PARVB: variants seen among roughly 807,000 people sequenced by gnomAD.
The protein encoded by PARVB is parvin beta.
In PARVB, 46 loss-of-function variants were observed where a neutral mutation model predicts 47.0. That is an observed-to-expected ratio of 0.98 (90% CI 0.77 to 1.25). The LOEUF is 1.25. PARVB is among the 50% of genes most tolerant of loss of function. The pLI is 0.00. For missense variants in PARVB, 473 were observed against 471.6 expected (o/e 1.00, Z -0.03); for synonymous variants, 196 against 196.3 (o/e 1.00, Z 0.01).
chr22:44,067,691 T>C (rs1440405637), intron 1 of PARVB, among the ~76,000 whole-genome samples: 1 of 152,182 alleles, frequency 6.6e-6, no homozygotes, highest in Non-Finnish European at 1.5e-5. Flanking sequence ...GCATCAAGTC[T>C]CCCAGCAGGA....
At chr22:44,088,752 T>C (rs2052092519) in intron 1 of PARVB, among the ~76,000 whole-genome samples, 1 of 152,152 alleles carries the variant, frequency 6.6e-6, no homozygotes, top group South Asian at 2.1e-4. Context: ...AATTACAGGT[T>C]TGAGCCACCG....
In PARVB at chr22:44,040,255, GTGATTAGAGGGAAAAGTACTGA is replaced by G. The variant is rs150456857; in HGVS notation, c.112+15807_112+15828del. 7.6e-3 allele frequency among the ~76,000 whole-genome samples: 1,152 copies of G among 152,298 alleles called. 11 individuals are homozygous for G. The highest frequency in any genetic ancestry group is 0.027 in the African/African-American group (1,122 of 41,570). On this transcript the variant is annotated intron_variant, in intron 1 of 12. Coordinates refer to ENST00000338758, the MANE Select transcript of PARVB (RefSeq NM_013327.5). ...TACTGAACTCTAATTAGTGATGTGT[GTGATTAGAGGGAAAAGTACTGA>G]TGTCTGCAACTTACTTTGAAATGTG...
chr22:44,099,821 G>A (rs919714789), intron 2 of PARVB, among the ~76,000 whole-genome samples: 3 of 152,138 alleles, frequency 2.0e-5, no homozygotes, highest in Non-Finnish European at 2.9e-5. Flanking sequence ...GCGGAGTCTG[G>A]GAGGAGCGAG....
intron 3 of PARVB, chr22:44,116,087 C>A (rs2052894994): frequency 6.6e-6 from 1 of 152,342 alleles, no homozygotes; most frequent in South Asian, 2.1e-4. Flanking sequence ...CCCAGGACAC[C>A]ACATTGCATT....
intron 3 of PARVB, chr22:44,109,008 C>G (rs1197294929): frequency 2.0e-5 from 3 of 152,142 alleles, no homozygotes; most frequent in Admixed American, 1.3e-4. Context: ...GGGTGCGTCT[C>G]CCCCCAAGAG....
intron 1 of PARVB, among the ~76,000 whole-genome samples, chr22:44,080,385 G>A (rs1044194330): frequency 2.6e-5 from 4 of 152,186 alleles, no homozygotes; most frequent in Non-Finnish European, 4.4e-5. Context: ...CCCATTCCTT[G>A]CCTTTTCCAA....
chr22:44,165,456 C>T (rs2054146780), intron 12 of PARVB, among the ~76,000 whole-genome samples: 1 of 152,216 alleles, frequency 6.6e-6, no homozygotes, highest in Non-Finnish European at 1.5e-5. Context: ...CCGGCCCGGC[C>T]TGGGTCTCTG....
At chr22:44,013,851 T>C (rs908556200) in intron 2 of PARVB, among the ~76,000 whole-genome samples, 2 of 152,196 alleles carry the variant, frequency 1.3e-5, no homozygotes, top group Non-Finnish European at 2.9e-5. Context: ...CAGGCTGCTC[T>C]CGAACTCCTG....
chr22:44,157,024 TC>T (rs1350506144), intron 10 of PARVB, among the ~76,000 whole-genome samples: 10 of 152,260 alleles, frequency 6.6e-5, no homozygotes, highest in Non-Finnish European at 1.5e-4. Flanking sequence ...ATGGTACATT[TC>T]AGCTTATGTA....
At chr22:44,010,186 C>T (rs942471004) in intron 2 of PARVB, among the ~76,000 whole-genome samples, 55 of 152,118 alleles carry the variant, frequency 3.6e-4, no homozygotes, top group African/African-American at 4.8e-5. Context: ...ATTTTGTTCA[C>T]GAGTGCACCC....
intron 2 of PARVB, 75 bp downstream of exon 2, chr22:44,094,092 A>T: frequency 1.2e-6 from 1 of 812,960 alleles, no homozygotes; most frequent in Non-Finnish European, 2.0e-6. Flanking sequence ...GGGGAGGCCA[A>T]TGAGGAGCCC....
At chr22:44,023,723 C>T (rs1481290968), upstream of PARVB, among the ~76,000 whole-genome samples, 6 of 152,114 alleles carry the variant, frequency 3.9e-5, no homozygotes, top group Non-Finnish European at 4.4e-5. Context: ...AGGGCCTGCT[C>T]TTCTGCTCAC....
intron 2 of PARVB, among the ~76,000 whole-genome samples, chr22:44,005,570 C>T (rs1331518870): frequency 2.0e-5 from 3 of 152,012 alleles, no homozygotes; most frequent in African/African-American, 7.3e-5. Flanking sequence ...GTTCTGGAGG[C>T]AGGGTACCTA....
chr22:44,060,526 TG>T (rs1256603593), intron 1 of PARVB, among the ~76,000 whole-genome samples: 1 of 151,938 alleles, frequency 6.6e-6, no homozygotes, highest in Non-Finnish European at 1.5e-5. Flanking sequence ...GGTCAGGTAG[TG>T]GGGCAACCGG....
At chr22:44,061,707 C>T (rs1281117092) in intron 1 of PARVB, among the ~76,000 whole-genome samples, 2 of 150,022 alleles carry the variant, frequency 1.3e-5, no homozygotes, top group African/African-American at 4.9e-5. Context: ...ACCTCTGCCT[C>T]CTGGGTTCAA....
chr22:44,013,702 G>T (rs930532733), intron 2 of PARVB, among the ~76,000 whole-genome samples: 3 of 151,484 alleles, frequency 2.0e-5, no homozygotes, highest in African/African-American at 7.3e-5. Flanking sequence ...GTGCGATCTC[G>T]GCTCACTGCA....
At chr22:44,098,603 G>A (rs183009891) in intron 2 of PARVB, among the ~76,000 whole-genome samples, 1 of 152,256 alleles carries the variant, frequency 6.6e-6, no homozygotes, top group Admixed American at 6.5e-5. Context: ...CCCAGCAGGA[G>A]TGGGAGGCTG....
intron 2 of PARVB, among the ~76,000 whole-genome samples, chr22:44,003,881 A>G (rs6006610): frequency 0.51 from 77,293 of 151,946 alleles, 19,961 homozygotes; most frequent in Middle Eastern, 0.56. Flanking sequence ...CCCATCCCTT[A>G]CCTCCGATGT....
rs1176478499 is a variant in PARVB at position 44,100,108 on chromosome 22, C to T, written c.258C>T (p.Phe86=). ...IDPTSKEDPK[F]KELVKVLLDW... Reference sequence around the variant, plus strand: ...CCACTTCCAAGGAAGACCCCAAGTTCAAGGAACTGGTCAAGGTAAGGAGCT... The same window carrying T: ...CCACTTCCAAGGAAGACCCCAAGTTTAAGGAACTGGTCAAGGTAAGGAGCT... Residue 86 remains phenylalanine (F), a synonymous_variant, in exon 3 of 13, where the codon TTC becomes TTT. Transcript: ENST00000338758. 1 of 1,613,698 alleles carries T rather than the reference C, an allele frequency of 6.2e-7. No homozygotes were observed. The highest frequency in any genetic ancestry group is 1.7e-5 in the Admixed American group (1 of 60,028).
Sources: gnomAD v4.1 joint callset for allele counts (sites outside exome capture counted in the v4.1 genomes callset) on GRCh38, gnomAD v4.1.1 for gene constraint, MANE v1.5 for transcripts, NCBI Gene and HGNC (gene_info 2026-07-23, HGNC 2026-07-21) for gene names.